Variants in MAPK8 observed in about 807,000 individuals in gnomAD.
MAPK8 encodes JUN N-terminal kinase.
MAPK8 carries 13 observed loss-of-function variants against 52.9 expected under a neutral mutation model. The ratio of observed to expected loss-of-function variants is 0.25; its 90% confidence interval spans 0.16 to 0.39. MAPK8 has a LOEUF of 0.39. Among genes scored for constraint, MAPK8 ranks in the 10% least tolerant of loss-of-function variants. The probability of loss-of-function intolerance (pLI) is 1.00; values close to 1 mark genes in which losing one functional copy is unlikely to be tolerated. For missense variants in MAPK8, 300 were observed against 519.2 expected, an observed-to-expected ratio of 0.58 and a Z score of 4.10; for synonymous variants, 191 against 169.8, an observed-to-expected ratio of 1.12 and a Z score of -0.97.
chr10:48,353,098 A>G (rs1198152006), intron 1 of MAPK8, among the ~76,000 whole-genome samples: 1 of 152,202 alleles, frequency 6.6e-6, no homozygotes, highest in Non-Finnish European at 1.5e-5. Flanking sequence ...GAAATCAAAG[A>G]CCCAAATGAA....
intron 2 of MAPK8, among the ~76,000 whole-genome samples, chr10:48,402,213 C>A (rs927556702): frequency 1.3e-5 from 2 of 152,188 alleles, no homozygotes; most frequent in East Asian, 3.9e-4. Context: ...GCACTGCCAT[C>A]TTTAAGTATA....
In MAPK8 at chr10:48,414,448, A is replaced by ATTTTT. The variant is rs3047768; in HGVS notation, c.450+4293_450+4297dup. ...TTATTCTTTGAAAAGTATTGAGAGG[A>ATTTTT]TTTTTTTTTTTTTTTTTCCTGAGAG... is the stretch of plus-strand genomic sequence containing the variant. On this transcript the variant is annotated intron_variant, in intron 5 of 11. Transcript: ENST00000374189. Among the ~76,000 whole-genome samples the ATTTTT allele has an allele frequency of 4.3e-4, 58 of 133,792 alleles. 1 individual carries two copies. Among genetic ancestry groups the ATTTTT allele is most frequent in the African/African-American group, 1.6e-3 (57 of 35,232 alleles). The allele number at this position is 133,792 out of a possible 152,430, so 87.8% of individuals were successfully genotyped here.
intron 1 of MAPK8, among the ~76,000 whole-genome samples, chr10:48,392,231 T>C (rs1029180944): frequency 1.2e-4 from 19 of 152,190 alleles, no homozygotes; most frequent in African/African-American, 3.1e-4. Flanking sequence ...GAGAGTCTTA[T>C]GACCTGCAGT....
At chr10:48,402,279 A>G (rs995096727) in intron 2 of MAPK8, among the ~76,000 whole-genome samples, 14 of 152,240 alleles carry the variant, frequency 9.2e-5, no homozygotes, top group African/African-American at 3.1e-4. Context: ...CTATCAGCAA[A>G]GAATAAGTGG....
At chr10:48,368,173 TTGAG>T (rs1848231435) in intron 1 of MAPK8, among the ~76,000 whole-genome samples, 1 of 152,198 alleles carries the variant, frequency 6.6e-6, no homozygotes, top group African/African-American at 2.4e-5. Context: ...TCAAAAATAT[TTGAG>T]TGTGTGCTAT....
At chr10:48,337,501 A>G (rs990732773) in intron 1 of MAPK8, among the ~76,000 whole-genome samples, 8 of 152,144 alleles carry the variant, frequency 5.3e-5, no homozygotes, top group African/African-American at 1.9e-4. Flanking sequence ...ACATCAAAAG[A>G]AAGATCTCAA....
intron 1 of MAPK8, among the ~76,000 whole-genome samples, chr10:48,307,503 T>A (rs112562302): frequency 1.3e-5 from 2 of 152,122 alleles, no homozygotes; most frequent in Non-Finnish European, 2.9e-5. Flanking sequence ...TGGTGACCTT[T>A]TGACTTTTTC....
intron 1 of MAPK8, among the ~76,000 whole-genome samples, chr10:48,373,303 C>T (rs957885299): frequency 4.6e-5 from 7 of 151,952 alleles, no homozygotes; most frequent in African/African-American, 1.7e-4. Context: ...TAAAGACCAT[C>T]AATGCTATGA....
chr10:48,387,001 G>T (rs565740941), intron 1 of MAPK8, among the ~76,000 whole-genome samples: 13 of 152,304 alleles, frequency 8.5e-5, no homozygotes, highest in African/African-American at 2.9e-4. Context: ...ATTGTTAAGG[G>T]ACAGTTTCTT....
intron 1 of MAPK8, among the ~76,000 whole-genome samples, chr10:48,366,539 C>T (rs928058123): frequency 2.0e-5 from 3 of 152,206 alleles, no homozygotes; most frequent in Non-Finnish European, 2.9e-5. Flanking sequence ...TAGGTTATAA[C>T]TTGTTTACAC....
chr10:48,309,874 A>G (rs955482178), intron 1 of MAPK8, among the ~76,000 whole-genome samples: 7 of 152,198 alleles, frequency 4.6e-5, no homozygotes, highest in Admixed American at 4.6e-4. Flanking sequence ...TTTCTGATTC[A>G]TGTGGTCCAA....
At chr10:48,371,043 G>A (rs1415839962) in intron 1 of MAPK8, among the ~76,000 whole-genome samples, 3 of 152,102 alleles carry the variant, frequency 2.0e-5, no homozygotes, top group Non-Finnish European at 4.4e-5. Context: ...CCGGATTTGT[G>A]AGTGGCTTTC....
At chr10:48,326,878 T>C (rs1263539231) in intron 1 of MAPK8, among the ~76,000 whole-genome samples, 1 of 152,196 alleles carries the variant, frequency 6.6e-6, no homozygotes, top group Non-Finnish European at 1.5e-5. Context: ...ATAGGTCTTA[T>C]AGCAGTATCA....
At position 48,338,740 on chromosome 10, in the gene MAPK8, A is replaced by C. The variant is rs963931590; in HGVS notation, c.-50+31919A>C. Reference sequence around the variant, plus strand: ...ACTCCAGTAAAGTTTGAGGATACAAAATAAATGTACAAAAATCACTGGCAT... The same window carrying C: ...ACTCCAGTAAAGTTTGAGGATACAACATAAATGTACAAAAATCACTGGCAT... On this transcript the variant is annotated intron_variant, in intron 1 of 11. Coordinates refer to ENST00000374189, the MANE Select transcript of MAPK8 (RefSeq NM_001323329.2). 3.3e-5 allele frequency among the ~76,000 whole-genome samples: 5 copies of C among 152,268 alleles called. No individual in the cohort carries two copies. The East Asian group carries it at 9.6e-4, about 29-fold the overall frequency.
chr10:48,351,789 A>G (rs541182016), intron 1 of MAPK8, among the ~76,000 whole-genome samples: 1 of 152,282 alleles, frequency 6.6e-6, no homozygotes, highest in East Asian at 1.9e-4. Context: ...CTTGGGTCCA[A>G]AAATGTTTCG....
intron 1 of MAPK8, among the ~76,000 whole-genome samples, chr10:48,329,816 C>CTGCTTCTTCA (rs757135021): frequency 5.3e-5 from 8 of 152,184 alleles, no homozygotes; most frequent in Non-Finnish European, 1.2e-4. Flanking sequence ...TATCCTTGCT[C>CTGCTTCTTCA]TGCTTCTTCA....
At chr10:48,403,188 G>A (rs376380519) in intron 2 of MAPK8, among the ~76,000 whole-genome samples, 2 of 152,082 alleles carry the variant, frequency 1.3e-5, no homozygotes, top group African/African-American at 4.8e-5. Flanking sequence ...AGCCGGGCGC[G>A]GTGGCTCACG....
chr10:48,348,836 G>C (rs534833240), intron 1 of MAPK8, among the ~76,000 whole-genome samples: 1 of 151,684 alleles, frequency 6.6e-6, no homozygotes, highest in Admixed American at 6.6e-5. Flanking sequence ...CTCGAGCTTT[G>C]TTCTTTCTGC....
intron 1 of MAPK8, among the ~76,000 whole-genome samples, chr10:48,360,023 C>T (rs117535534): frequency 1.6e-3 from 250 of 152,124 alleles, no homozygotes; most frequent in Non-Finnish European, 2.8e-3. Context: ...ACAAATTAAC[C>T]GGGTTTGGCA....
Sources: gnomAD v4.1 joint callset for allele counts (sites outside exome capture counted in the v4.1 genomes callset) on GRCh38, gnomAD v4.1.1 for gene constraint, MANE v1.5 for transcripts, NCBI Gene and HGNC (gene_info 2026-07-23, HGNC 2026-07-21) for gene names.